THRB: variants seen among roughly 807,000 people sequenced by gnomAD.
THRB encodes nuclear receptor subfamily 1 group A member 2.
A neutral mutation model predicts 47.8 loss-of-function variants in THRB; 12 were observed. The ratio of observed to expected loss-of-function variants is 0.25; its 90% CI spans 0.16 to 0.41. The LOEUF (loss-of-function observed/expected upper bound fraction) is 0.41, where lower values mean the gene tolerates loss of function less well. THRB is among the 10% of genes least tolerant of loss of function. The pLI, the probability that THRB is intolerant of heterozygous loss-of-function variation, is 1.00. For missense variants in THRB, 348 were observed against 589.2 expected, an observed-to-expected ratio of 0.59 and a Z score of 4.24; for synonymous variants, 218 against 212.2, an observed-to-expected ratio of 1.03 and a Z score of -0.24.
chr3:24,274,353 A>G (rs1174268291), intron 3 of THRB, among the ~76,000 whole-genome samples: 1 of 152,204 alleles, frequency 6.6e-6, no homozygotes, highest in African/African-American at 2.4e-5. Context: ...AAAACAAAAA[A>G]TAAGCAATTA....
chr3:24,359,448 T>C (rs1422385279), intron 1 of THRB, among the ~76,000 whole-genome samples: 1 of 152,158 alleles, frequency 6.6e-6, no homozygotes, highest in Non-Finnish European at 1.5e-5. Flanking sequence ...AGTCACTTAG[T>C]GTCTCTTCTG....
At chr3:24,235,334 A>G (rs144185495) in intron 3 of THRB, among the ~76,000 whole-genome samples, 50 of 152,172 alleles carry the variant, frequency 3.3e-4, no homozygotes, top group South Asian at 1.0e-3. Flanking sequence ...TGTAAAAATT[A>G]CCTCATGAAA....
intron 1 of THRB, among the ~76,000 whole-genome samples, chr3:24,425,172 A>G (rs1418889094): frequency 3.3e-5 from 5 of 151,900 alleles, no homozygotes; most frequent in South Asian, 2.1e-4. Context: ...GGATCAAAGC[A>G]TACAGTGGCT....
At chr3:24,439,896 C>T (rs2071364304) in intron 1 of THRB, among the ~76,000 whole-genome samples, 1 of 152,150 alleles carries the variant, frequency 6.6e-6, no homozygotes, top group South Asian at 2.1e-4. Context: ...TCCAGTTTGT[C>T]CATGACCCCA....
chr3:24,322,655 TTGC>T (rs774700242), intron 2 of THRB, among the ~76,000 whole-genome samples: 1 of 152,252 alleles, frequency 6.6e-6, no homozygotes, highest in Non-Finnish European at 1.5e-5. Flanking sequence ...CAATGTATAG[TTGC>T]TCAGGTGCAA....
intron 2 of THRB, among the ~76,000 whole-genome samples, chr3:24,327,731 T>A (rs1052206143): frequency 3.9e-5 from 6 of 152,216 alleles, no homozygotes; most frequent in African/African-American, 1.4e-4. Context: ...GCTGTCCTTG[T>A]TGGGGATTTG....
intron 4 of THRB, among the ~76,000 whole-genome samples, chr3:24,220,907 G>A (rs2047093304): frequency 6.6e-6 from 1 of 152,140 alleles, no homozygotes; most frequent in Admixed American, 6.5e-5. Flanking sequence ...GTCTGCTGTG[G>A]CGGCCCTGGG....
At chr3:24,254,009 G>T (rs927379850) in intron 3 of THRB, among the ~76,000 whole-genome samples, 1 of 148,118 alleles carries the variant, frequency 6.8e-6, no homozygotes, top group Non-Finnish European at 1.5e-5. Context: ...CTGAAATCTT[G>T]TTTGGACCCT....
intron 1 of THRB, among the ~76,000 whole-genome samples, chr3:24,491,885 G>C (rs1327123867): frequency 6.6e-6 from 1 of 152,246 alleles, no homozygotes; most frequent in Non-Finnish European, 1.5e-5. Flanking sequence ...AAATTCTGCT[G>C]CTGAGGATTT....
intron 1 of THRB, among the ~76,000 whole-genome samples, chr3:24,451,924 A>G (rs2072698550): frequency 6.6e-6 from 1 of 152,226 alleles, no homozygotes; most frequent in African/African-American, 2.4e-5. Context: ...GTTGCAACAG[A>G]TAAAAAAGCA....
intron 1 of THRB, among the ~76,000 whole-genome samples, chr3:24,348,062 T>C (rs1214420739): frequency 6.6e-6 from 1 of 152,154 alleles, no homozygotes; most frequent in Non-Finnish European, 1.5e-5. Flanking sequence ...TAGTATTTTT[T>C]ATGAATTTGG....
chr3:24,274,590 TTTC>T, intron 3 of THRB, among the ~76,000 whole-genome samples: 1 of 152,310 alleles, frequency 6.6e-6, no homozygotes, highest in African/African-American at 2.4e-5. Flanking sequence ...CCCTTCTCTC[TTTC>T]TTGTCTATTT....
chr3:24,208,486 G>A (rs1004248839), intron 4 of THRB, among the ~76,000 whole-genome samples: 5 of 152,144 alleles, frequency 3.3e-5, no homozygotes, highest in African/African-American at 1.2e-4. Flanking sequence ...GCATGGTACT[G>A]GTACCAAAAC....
At chr3:24,378,782 C>T (rs556058684) in intron 1 of THRB, among the ~76,000 whole-genome samples, 25 of 152,078 alleles carry the variant, frequency 1.6e-4, no homozygotes, top group African/African-American at 5.5e-4. Context: ...AGGAAACTAA[C>T]TTTATTAATA....
chr3:24,349,153 A>G lies in THRB; in HGVS notation c.-260-11782T>C, dbSNP rs567103452. 7.9e-5 allele frequency among the ~76,000 whole-genome samples: 12 copies of G among 152,262 alleles called. No individual in the cohort carries two copies. In the East Asian group the frequency reaches 2.1e-3, roughly 27 times the overall value. The stretch of plus-strand genomic sequence containing the variant: ...TCAAATACTTTAAAATCCATTTTTA[A>G]AAGATATCCAAGACTTCTAAATGGG... On this transcript the variant is annotated intron_variant, in intron 1 of 10. Coordinates refer to ENST00000646209, the MANE Select transcript of THRB (RefSeq NM_001354712.2).
At chr3:24,426,293 A>G (rs1404513631) in intron 1 of THRB, among the ~76,000 whole-genome samples, 1 of 151,970 alleles carries the variant, frequency 6.6e-6, no homozygotes, top group Non-Finnish European at 1.5e-5. Context: ...TGTCACTGGT[A>G]GGGACTATAA....
intron 3 of THRB, among the ~76,000 whole-genome samples, chr3:24,276,874 C>A (rs576901286): frequency 1.3e-5 from 2 of 152,306 alleles, no homozygotes; most frequent in South Asian, 2.1e-4. Context: ...GATTCGTAAT[C>A]AACTACATTT....
intron 3 of THRB, among the ~76,000 whole-genome samples, chr3:24,252,408 G>GA (rs536496049): frequency 6.6e-6 from 1 of 151,580 alleles, no homozygotes; most frequent in African/African-American, 2.4e-5. Flanking sequence ...TAAACATCTA[G>GA]AAAAAAAATC....
chr3:24,193,769 G>C (rs188223124), intron 4 of THRB, among the ~76,000 whole-genome samples: 161 of 152,218 alleles, frequency 1.1e-3, no homozygotes, highest in Non-Finnish European at 2.0e-3. Flanking sequence ...CCTACTACTA[G>C]GTATCTACCC....
Sources: allele counts gnomAD v4.1 joint callset (sites outside exome capture counted in the v4.1 genomes callset), GRCh38; gene constraint gnomAD v4.1.1; transcripts MANE v1.5; gene names NCBI Gene and HGNC (gene_info 2026-07-23, HGNC 2026-07-21).